The following GALNT2 variants were observed in gnomAD, a reference collection of about 807,000 sequenced individuals.
GALNT2 encodes UDP-GalNAc:polypeptide N-acetylgalactosaminyltransferase 2.
A neutral mutation model predicts 81.4 loss-of-function variants in GALNT2; 31 were observed. The observed-to-expected ratio is 0.38, with a 90% CI of 0.29 to 0.51. The LOEUF is 0.51. Among genes scored for constraint, GALNT2 ranks in the 20% least tolerant of loss-of-function variants. The pLI is 0.87. For missense variants in GALNT2, 629 were observed against 765.7 expected, an observed-to-expected ratio of 0.82 and a Z score of 2.11; for synonymous variants, 303 against 287.4, an observed-to-expected ratio of 1.05 and a Z score of -0.55.
intron 1 of GALNT2, among the ~76,000 whole-genome samples, chr1:230,117,797 C>T (rs551424464): frequency 2.6e-5 from 4 of 152,270 alleles, no homozygotes; most frequent in Non-Finnish European, 5.9e-5. Context: ...AGTGAGCACA[C>T]GCTGTTAGAA....
At chr1:230,201,302 T>C (rs767898476) in intron 2 of GALNT2, among the ~76,000 whole-genome samples, 24 of 152,184 alleles carry the variant, frequency 1.6e-4, no homozygotes, top group Non-Finnish European at 2.6e-4. Flanking sequence ...ATTTTCGATT[T>C]GAGAGGCCAG....
intron 1 of GALNT2, among the ~76,000 whole-genome samples, chr1:230,150,219 T>A (rs1184049959): frequency 6.6e-6 from 1 of 152,208 alleles, no homozygotes; most frequent in African/African-American, 2.4e-5. Context: ...ACTGCAAAGC[T>A]GCCTACCTCC....
intron 1 of GALNT2, among the ~76,000 whole-genome samples, chr1:230,123,669 T>A (rs1661090369): frequency 6.6e-6 from 1 of 152,248 alleles, no homozygotes; most frequent in Admixed American, 6.5e-5. Flanking sequence ...ATTTCTTAAG[T>A]CTTTTTTACT....
At chr1:230,113,477 A>G (rs545977788) in intron 1 of GALNT2, among the ~76,000 whole-genome samples, 3 of 152,280 alleles carry the variant, frequency 2.0e-5, no homozygotes, top group African/African-American at 7.2e-5. Context: ...GTGGATAAGA[A>G]GAAGACCTGA....
chr1:230,255,046 G>A (rs2102752803), intron 10 of GALNT2, among the ~76,000 whole-genome samples, 172 bp from the exon 11 acceptor site: 1 of 152,342 alleles, frequency 6.6e-6, no homozygotes, highest in Non-Finnish European at 1.5e-5. Context: ...AGAGAGTTCT[G>A]CATCAGGTTC....
In GALNT2 at chr1:230,250,519, A is replaced by G. The variant is rs752400838; in HGVS notation, c.968A>G (p.Lys323Arg). The G allele has an allele frequency of 1.1e-5, 17 of 1,613,754 alleles. No individual in the cohort carries two copies. In the East Asian group the frequency reaches 1.3e-4, roughly 13 times the overall value. The change falls in exon 10 of 16, where the codon AAG becomes AGG. Residue 323 changes from lysine (K) to arginine (R), a missense_variant. Coordinates refer to ENST00000366672, the MANE Select transcript of GALNT2 (RefSeq NM_004481.5). Reference sequence around the variant, plus strand: ...AAGTTCTATTTTGAAGAACTGGGGAAGTACGACATGATGATGGATGTGTGG... The same window carrying G: ...AAGTTCTATTTTGAAGAACTGGGGAGGTACGACATGATGATGGATGTGTGG... ...MDKFYFEELG[K>R]YDMMMDVWGG...
intron 3 of GALNT2, among the ~76,000 whole-genome samples, chr1:230,222,183 C>T (rs1385443656): frequency 4.0e-5 from 6 of 151,870 alleles, no homozygotes; most frequent in South Asian, 2.1e-4. Context: ...TCCACCACCA[C>T]GCCCGGCTAA....
At chr1:230,121,790 G>GGGGACATT (rs929617847) in intron 1 of GALNT2, among the ~76,000 whole-genome samples, 1 of 152,078 alleles carries the variant, frequency 6.6e-6, no homozygotes. Context: ...ATCCCAAAAA[G>GGGGACATT]GGGACATTGG....
intron 3 of GALNT2, among the ~76,000 whole-genome samples, chr1:230,211,857 G>C (rs567465973): frequency 6.6e-6 from 1 of 152,212 alleles, no homozygotes; most frequent in Non-Finnish European, 1.5e-5. Context: ...TCGTATACCA[G>C]TTCCCAGAAG....
chr1:230,151,220 C>T (rs1328611177), intron 1 of GALNT2, among the ~76,000 whole-genome samples: 1 of 152,178 alleles, frequency 6.6e-6, no homozygotes. Flanking sequence ...CTTTCTGGAC[C>T]TCCGGGATGT....
In GALNT2 at chr1:230,254,940, G is replaced by A. The variant is rs192406278; in HGVS notation, c.1010-278G>A. On this transcript the variant is annotated intron_variant, in intron 10 of 15. Transcript: ENST00000366672. ...GACCAAGAAGCATTCTTGTCTCAAGGTGTCTACTCCACATCTGAAAAATAT... is the reference window on the plus strand; with the variant it reads ...GACCAAGAAGCATTCTTGTCTCAAGATGTCTACTCCACATCTGAAAAATAT... Among the ~76,000 whole-genome samples the A allele has an allele frequency of 3.9e-5, 6 of 152,318 alleles. No homozygotes were observed. In the East Asian group the frequency reaches 9.6e-4, roughly 24 times the overall value.
chr1:230,250,367 A>G (rs773706020), intron 9 of GALNT2, 90 bp from the exon 10 acceptor site: 18 of 889,574 alleles, frequency 2.0e-5, no homozygotes, highest in Non-Finnish European at 3.0e-5. Flanking sequence ...TTGTTAGGGA[A>G]TCAAGGCTTG....
At chr1:230,140,424 T>C (rs1661693359) in intron 1 of GALNT2, among the ~76,000 whole-genome samples, 1 of 152,216 alleles carries the variant, frequency 6.6e-6, no homozygotes, top group South Asian at 2.1e-4. Context: ...CCCCAGCCCC[T>C]GGACAGCAGT....
chr1:230,191,903 C>G (rs116406237), intron 2 of GALNT2, among the ~76,000 whole-genome samples: 598 of 152,356 alleles, frequency 3.9e-3, no homozygotes, highest in African/African-American at 0.013. Context: ...GGGGGGCTCC[C>G]CATGCTCAGC....
At chr1:230,191,098 G>A (rs1300480451) in intron 2 of GALNT2, among the ~76,000 whole-genome samples, 1 of 152,152 alleles carries the variant, frequency 6.6e-6, no homozygotes, top group Non-Finnish European at 1.5e-5. Flanking sequence ...GAGACCAAGG[G>A]CTGAGATCAG....
intron 8 of GALNT2, among the ~76,000 whole-genome samples, chr1:230,247,301 G>T (rs573799985): frequency 6.6e-6 from 1 of 152,278 alleles, no homozygotes; most frequent in Admixed American, 6.5e-5. Context: ...ACTCAGCCAC[G>T]GTCCTAGACA....
chr1:230,210,476 G>C (rs957376747), intron 3 of GALNT2, among the ~76,000 whole-genome samples: 7 of 152,138 alleles, frequency 4.6e-5, no homozygotes, highest in Admixed American at 2.6e-4. Context: ...TTAAAATGTG[G>C]GGTTTTGAAA....
At chr1:230,146,294 A>T (rs1396843918) in intron 1 of GALNT2, among the ~76,000 whole-genome samples, 1 of 152,192 alleles carries the variant, frequency 6.6e-6, no homozygotes, top group Non-Finnish European at 1.5e-5. Flanking sequence ...TCTCTCCCGC[A>T]CCAGGTCTGA....
At chr1:230,258,986 G>C (rs761565615) in intron 11 of GALNT2, 1 of 152,186 alleles carries the variant, frequency 6.6e-6, no homozygotes, top group Non-Finnish European at 1.5e-5. Context: ...ATTTGGAAAA[G>C]AAGCTGATCC....
Sources: allele counts gnomAD v4.1 joint callset (sites outside exome capture counted in the v4.1 genomes callset), GRCh38; gene constraint gnomAD v4.1.1; transcripts MANE v1.5; gene names NCBI Gene and HGNC (gene_info 2026-07-23, HGNC 2026-07-21).